Variants in CDKN2A observed in about 807,000 individuals in gnomAD.
CDKN2A encodes cyclin-dependent kinase inhibitor 2A.
Under a neutral mutation model 11.1 loss-of-function variants are expected in CDKN2A, and 3 were observed. The observed-to-expected ratio is 0.27, with a 90% CI of 0.12 to 0.70. The LOEUF (loss-of-function observed/expected upper bound fraction) is 0.70. Among genes scored for constraint, CDKN2A ranks in the 30% least tolerant of loss-of-function variants. CDKN2A has a pLI of 0.77. For missense variants in CDKN2A, 265 were observed against 233.6 expected (o/e 1.13, Z -0.88); for synonymous variants, 122 against 108.1 (o/e 1.13, Z -0.80).
At chr9:21,969,681 C>A (rs1453597432) in intron 2 of CDKN2A, 1 of 398,070 alleles carries the variant, frequency 2.5e-6, no homozygotes, top group East Asian at 3.6e-5. Context: ...TTTTGCTCAG[C>A]CCTGGAACCG....
rs769737311 is a variant in CDKN2A, at chr9:21,988,783, A to G, written c.-4+5099T>C. Among the ~76,000 whole-genome samples the G allele has an allele frequency of 3.9e-5, 6 of 152,230 alleles. No individual in the cohort carries two copies. Among genetic ancestry groups the G allele is most frequent in the Non-Finnish European group, 7.3e-5 (5 of 68,044 alleles). ...GTTGAAAAAAAATCTACGAGGCACTATATTTTTAAAAATACCACTATGTAC... is the reference window on the plus strand; with the variant it reads ...GTTGAAAAAAAATCTACGAGGCACTGTATTTTTAAAAATACCACTATGTAC... On this transcript the variant is annotated intron_variant, in intron 2 of 3. Coordinates refer to the CDKN2A transcript ENST00000494262. This position sits in a 1 kb window ranked among gnomAD's most constrained non-coding sequence, Gnocchi z 4.1.
At chr9:21,994,572 G>T in intron 1 of CDKN2A, 1 of 1,020,418 alleles carries the variant, frequency 9.8e-7, no homozygotes, top group Non-Finnish European at 1.3e-6. Context: ...ACGGCTCTGA[G>T]CCCTGCGCAC....
upstream of CDKN2A, among the ~76,000 whole-genome samples, chr9:21,978,359 A>T (rs3731233): frequency 0.01 from 1,575 of 152,252 alleles, 24 homozygotes; most frequent in African/African-American, 0.034. Flanking sequence ...TTATACTCCC[A>T]GTTTACTCAT....
At chr9:21,977,591 C>T (rs1820070521), upstream of CDKN2A, among the ~76,000 whole-genome samples, 1 of 152,070 alleles carries the variant, frequency 6.6e-6, no homozygotes, top group Admixed American at 6.6e-5. Context: ...GTCTCGAACT[C>T]CTGACCTCAG....
chr9:21,969,816 A>AG (rs1336792971), intron 2 of CDKN2A: 7 of 231,924 alleles, frequency 3.0e-5, no homozygotes, highest in Non-Finnish European at 5.7e-5. Context: ...GGCGGGGGGG[A>AG]GGGGAGGAGG....
intron 2 of CDKN2A, among the ~76,000 whole-genome samples, chr9:21,981,277 T>C (rs1017842102): frequency 1.0e-4 from 15 of 148,760 alleles, no homozygotes; most frequent in African/African-American, 3.5e-4. Context: ...CAGTAATCAT[T>C]TGAGGAGGGA....
At chr9:21,969,605 G>C in intron 2 of CDKN2A, 2 of 388,676 alleles carry the variant, frequency 5.1e-6, no homozygotes, top group Non-Finnish European at 9.0e-6. Flanking sequence ...GAGTCGTTCA[G>C]TTTATTCATT....
rs1196497286 is a variant in CDKN2A, at chr9:21,988,856, A to G, written c.-4+5026T>C. 6.6e-6 allele frequency among the ~76,000 whole-genome samples: 1 copy of G among 152,232 alleles called. No homozygotes were observed. Among genetic ancestry groups the G allele is most frequent in the Non-Finnish European group, 1.5e-5 (1 of 68,030 alleles). The stretch of plus-strand genomic sequence containing the variant: ...ACTACAAATATTAGTTAAATAGTCC[A>G]AGATTCAGTGGGTTCAGAGACTCTA... On this transcript the variant is annotated intron_variant, in intron 2 of 3. Coordinates refer to the CDKN2A transcript ENST00000494262. This position sits in a 1 kb window ranked among gnomAD's most constrained non-coding sequence, Gnocchi z 4.1.
At chr9:21,969,368 A>C (rs1380687218) in intron 2 of CDKN2A, among the ~76,000 whole-genome samples, 1 of 152,264 alleles carries the variant, frequency 6.6e-6, no homozygotes, top group African/African-American at 2.4e-5. Context: ...AGGTTGGGCA[A>C]CAGATCGACT....
At position 21,994,246 on chromosome 9, in the gene CDKN2A, C is replaced by A. The variant is rs1307839309; in HGVS notation, c.-175-193G>T. The stretch of plus-strand genomic sequence containing the variant: ...TGGCGCTGCCCACTCCCCCGTGAGC[C>A]GCGGGATGTGAACCACGAAAACCCT... On this transcript the variant is annotated intron_variant, in intron 1 of 3. Coordinates refer to the CDKN2A transcript ENST00000494262. The A allele has an allele frequency of 6.2e-7, 1 of 1,606,614 alleles. No homozygotes were observed. The highest frequency in any genetic ancestry group is 8.5e-7 in the Non-Finnish European group (1 of 1,179,056).
At chr9:21,974,859 C>T (rs754906913), upstream of CDKN2A, 6 of 1,518,054 alleles carry the variant, frequency 4.0e-6, no homozygotes, top group African/African-American at 8.4e-5. The surrounding 1 kb of genome is among the most constrained non-coding windows in gnomAD (Gnocchi z 5.2). Context: ...CCTGCTCTCC[C>T]CCTCTCCGCA....
rs3731254 is a variant in CDKN2A at position 21,967,948 on chromosome 9, G to GCT, written c.*279_*280dup. 1,175 of 461,742 alleles carry GCT rather than the reference G, an allele frequency of 2.5e-3. 6 individuals are homozygous for GCT. Among genetic ancestry groups the GCT allele is most frequent in the Admixed American group, 8.3e-3 (236 of 28,602 alleles). The allele number at this position is 461,742 out of a possible 1,614,324, so 28.6% of individuals were successfully genotyped here. ...ATGAATGTGCGCTTAGGGCGTGAGT[G>GCT]CTCACTCCAGAAAACTCCAACACAG... On this transcript the variant is annotated 3_prime_UTR_variant, in exon 3 of 3. Transcript: ENST00000304494.
At chr9:21,979,091 A>C (rs951879851), upstream of CDKN2A, among the ~76,000 whole-genome samples, 1 of 152,224 alleles carries the variant, frequency 6.6e-6, no homozygotes, top group Non-Finnish European at 1.5e-5. Context: ...CTGAGAGCTG[A>C]TCCCAGTCTT....
At position 21,971,219 on chromosome 9, in the gene CDKN2A, G is replaced by T; in HGVS notation, c.151-11C>A. On this transcript the variant is annotated splice_polypyrimidine_tract_variant and intron_variant, in intron 1 of 2. Transcript: ENST00000304494. ...GCCCATCATCATGACCTGCCAGAGAGAACAGAATGGTCAGAGCCAGGGTGG... is the reference window on the plus strand; with the variant it reads ...GCCCATCATCATGACCTGCCAGAGATAACAGAATGGTCAGAGCCAGGGTGG... The T allele has an allele frequency of 6.3e-7, 1 of 1,596,270 alleles. No homozygotes were observed. Among genetic ancestry groups the T allele is most frequent in the Non-Finnish European group, 8.5e-7 (1 of 1,178,624 alleles).
upstream of CDKN2A, among the ~76,000 whole-genome samples, chr9:21,979,091 A>G (rs951879851): frequency 3.3e-5 from 5 of 152,224 alleles, no homozygotes; most frequent in African/African-American, 1.2e-4. Flanking sequence ...CTGAGAGCTG[A>G]TCCCAGTCTT....
intron 2 of CDKN2A, chr9:21,970,344 C>A (rs1272520441): frequency 1.1e-5 from 3 of 263,896 alleles, no homozygotes; most frequent in East Asian, 5.6e-5. Flanking sequence ...CCCCAGAACC[C>A]CCTGGGGCAG....
In CDKN2A at chr9:21,974,384, G is replaced by T. The variant is rs1353100907; in HGVS notation, c.150+294C>A. 6.4e-7 allele frequency: 1 copy of T among 1,558,862 alleles called. No individual in the cohort carries two copies. Among genetic ancestry groups the T allele is most frequent in the East Asian group, 2.4e-5 (1 of 41,924 alleles). ...TTTATCCCAAACGTTCGTAAATTTT[G>T]TATCTGATAAAGAGCATACTTCCAT... On this transcript the variant is annotated intron_variant, in intron 1 of 2. Transcript: ENST00000304494. This position sits in a 1 kb window ranked among gnomAD's most constrained non-coding sequence, Gnocchi z 5.2.
chr9:21,987,101 A>C (rs1467680690), intron 2 of CDKN2A, among the ~76,000 whole-genome samples: 1 of 152,062 alleles, frequency 6.6e-6, no homozygotes, highest in Non-Finnish European at 1.5e-5. Flanking sequence ...GATCATTTGA[A>C]AGGCATGATA....
upstream of CDKN2A, among the ~76,000 whole-genome samples, chr9:21,978,885 C>G (rs915613167): frequency 3.3e-5 from 5 of 152,158 alleles, no homozygotes; most frequent in African/African-American, 9.7e-5. Flanking sequence ...CAAAGTTACT[C>G]AACATGTCTG....
Sources: allele counts gnomAD v4.1 joint callset (sites outside exome capture counted in the v4.1 genomes callset), GRCh38; gene constraint gnomAD v4.1.1; non-coding constraint Gnocchi (gnomAD v3.1); transcripts MANE v1.5; gene names NCBI Gene and HGNC (gene_info 2026-07-23, HGNC 2026-07-21).